The following CD38 variants were observed in gnomAD, a reference collection of about 807,000 sequenced individuals.
CD38 encodes CD38 molecule, also known as ADP-ribosyl cyclase/cyclic ADP-ribose hydrolase 1.
CD38 carries 31 observed loss-of-function variants against 36.3 expected under a neutral mutation model. The ratio of observed to expected loss-of-function variants is 0.85; its 90% confidence interval spans 0.64 to 1.15. The LOEUF (loss-of-function observed/expected upper bound fraction) is 1.15. Ranked by LOEUF, CD38 falls within the 50% of genes most tolerant of loss-of-function variation. The pLI is 0.00. For missense variants in CD38, 380 were observed against 371.9 expected (o/e 1.02, Z -0.18); for synonymous variants, 131 against 135.2 (o/e 0.97, Z 0.22).
Position 15,840,027 on chromosome 4 carries a change from A to G in CD38, c.661A>G (p.Thr221Ala). 1 of 1,609,772 alleles carries G rather than the reference A, an allele frequency of 6.2e-7. No individual in the cohort carries two copies. The highest frequency in any genetic ancestry group is 8.5e-7 in the Non-Finnish European group (1 of 1,176,154). Residue 221 changes from threonine to alanine, a missense_variant and splice_region_variant, in exon 6 of 8, where the codon ACT becomes GCT. Physicochemically the swap from Thr to Ala is moderately conservative, Grantham distance 58 (BLOSUM62 0). Transcript: ENST00000226279. Reference protein sequence around the residue: ...SRSKIFDKNSTFGSVEVHNLQ... With the variant: ...SRSKIFDKNSAFGSVEVHNLQ... ...GGTTCTTTGTTTCTTCTATTTTAGC[A>G]CTTTTGGGAGTGTGGAAGTCCATAA...
At chr4:15,806,217 C>T (rs942961379) in intron 1 of CD38, among the ~76,000 whole-genome samples, 3 of 152,156 alleles carry the variant, frequency 2.0e-5, no homozygotes, top group Non-Finnish European at 4.4e-5. Context: ...CTCACTTTAC[C>T]CCAGCACTGG....
chr4:15,790,853 C>G lies in CD38; in HGVS notation c.233+12206C>G, dbSNP rs1451425315. ...GCCCTGTCTGGGATGTGAGGAGCGCCTCTGCTGGGCCGCAACCCTGTCTGG... is the reference window on the plus strand; with the variant it reads ...GCCCTGTCTGGGATGTGAGGAGCGCGTCTGCTGGGCCGCAACCCTGTCTGG... On this transcript the variant is annotated intron_variant, in intron 1 of 7. Coordinates refer to ENST00000226279, the MANE Select transcript of CD38 (RefSeq NM_001775.4). Among the ~76,000 whole-genome samples, 47 of 149,480 alleles carry G rather than the reference C, an allele frequency of 3.1e-4. 1 individual carries two copies. The highest frequency in any genetic ancestry group is 3.1e-3 in the Admixed American group (47 of 15,192).
intron 1 of CD38, among the ~76,000 whole-genome samples, chr4:15,810,245 C>A (rs963791215): frequency 5.3e-5 from 8 of 152,074 alleles, no homozygotes; most frequent in Non-Finnish European, 8.8e-5. Context: ...AAAAATAATT[C>A]TGGAGGTGTC....
At chr4:15,839,943 T>C in intron 5 of CD38, 83 bp from the exon 6 acceptor site, 4 of 909,266 alleles carry the variant, frequency 4.4e-6, no homozygotes, top group South Asian at 3.9e-5. Context: ...AGCCAGTGCC[T>C]TTCTGCCTGC....
intron 7 of CD38, among the ~76,000 whole-genome samples, chr4:15,841,330 C>G (rs1243057491): frequency 1.3e-5 from 2 of 152,178 alleles, no homozygotes; most frequent in African/African-American, 2.4e-5. Context: ...GTTCCTGTTT[C>G]CATGTCACTA....
chr4:15,787,101 C>T (rs889491564), intron 1 of CD38, among the ~76,000 whole-genome samples: 7 of 152,238 alleles, frequency 4.6e-5, no homozygotes, highest in Admixed American at 2.0e-4. Flanking sequence ...TACACCTCCG[C>T]TCAAGCAGAG....
intron 7 of CD38, 28 bp from the exon 8 acceptor site, chr4:15,848,511 G>GA: frequency 6.3e-7 from 1 of 1,588,634 alleles, no homozygotes; most frequent in Non-Finnish European, 8.6e-7. Flanking sequence ...ACGGTCTCTT[G>GA]ATTTCCTTTT....
intron 1 of CD38, among the ~76,000 whole-genome samples, chr4:15,791,397 A>G (rs1229506782): frequency 1.0e-4 from 1 of 9,818 alleles, no homozygotes. Context: ...CCGGGAGGTG[A>G]GGGGCGCCTC....
rs181723228 is a variant in CD38, at chr4:15,835,679, A to G, written c.585+1377A>G. On this transcript the variant is annotated intron_variant, in intron 4 of 7. Coordinates refer to ENST00000226279, the MANE Select transcript of CD38 (RefSeq NM_001775.4). ...AGCCATGGGCCACCATGCCCGGCTA[A>G]TTTTTGTATTTTCTGTAGAGACAGG... is the stretch of plus-strand genomic sequence containing the variant. 2.0e-5 allele frequency among the ~76,000 whole-genome samples: 3 copies of G among 151,976 alleles called. No homozygotes were observed. In the East Asian group the frequency reaches 5.8e-4, roughly 30 times the overall value.
intron 1 of CD38, among the ~76,000 whole-genome samples, chr4:15,811,286 A>T (rs1723463979): frequency 1.3e-5 from 2 of 152,142 alleles, no homozygotes; most frequent in Non-Finnish European, 2.9e-5. Flanking sequence ...AGTGTAATTT[A>T]TGTATTTTTT....
At chr4:15,827,431 CCTA>C (rs971727756) in intron 3 of CD38, among the ~76,000 whole-genome samples, 3 of 151,972 alleles carry the variant, frequency 2.0e-5, no homozygotes, top group Admixed American at 6.6e-5. Context: ...TGTATTTTCA[CCTA>C]CTATTTTTAC....
At position 15,848,748 on chromosome 4, in the gene CD38, CA is replaced by C; in HGVS notation, c.*149del. Reference sequence around the variant, plus strand: ...TGCCAGAGACGGAAGCCTTTTTCCCCAAAGTCTTAAAATAACTTATATCATC... The same window carrying C: ...TGCCAGAGACGGAAGCCTTTTTCCCCAAGTCTTAAAATAACTTATATCATC... On this transcript the variant is annotated 3_prime_UTR_variant, in exon 8 of 8. Transcript: ENST00000226279. 1.8e-6 allele frequency: 1 copy of C among 565,828 alleles called. No homozygotes were observed. The highest frequency in any genetic ancestry group is 3.0e-5 in the Admixed American group (1 of 33,832). The allele number at this position is 565,828 out of a possible 1,614,324, so 35.1% of individuals were successfully genotyped here.
intron 1 of CD38, among the ~76,000 whole-genome samples, chr4:15,786,240 T>G (rs946538830): frequency 1.3e-5 from 2 of 152,234 alleles, no homozygotes; most frequent in Non-Finnish European, 2.9e-5. Flanking sequence ...CCCAGCCTGC[T>G]TTTATTCCCT....
chr4:15,791,708 C>T (rs1253792920), intron 1 of CD38, among the ~76,000 whole-genome samples: 734 of 57,704 alleles, frequency 0.013, no homozygotes, highest in African/African-American at 0.022. Flanking sequence ...CCAGCCGCCC[C>T]GTCCGGGAGG....
intron 3 of CD38, among the ~76,000 whole-genome samples, chr4:15,826,473 A>G (rs1268968221): frequency 6.6e-6 from 1 of 151,866 alleles, no homozygotes; most frequent in Non-Finnish European, 1.5e-5. Context: ...ACACACACAC[A>G]CACACACACA....
chr4:15,810,432 G>A (rs1283420895), intron 1 of CD38, among the ~76,000 whole-genome samples: 4 of 152,148 alleles, frequency 2.6e-5, no homozygotes, highest in East Asian at 1.9e-4. Flanking sequence ...GCTAAGGAAA[G>A]ATGTAGAAGA....
chr4:15,800,017 C>T (rs930319349), intron 1 of CD38, among the ~76,000 whole-genome samples: 5 of 152,048 alleles, frequency 3.3e-5, no homozygotes, highest in South Asian at 2.1e-4. Flanking sequence ...AAAGCAGACT[C>T]GGGGGGTATG....
At chr4:15,826,459 GCACACACACACA>G (rs67475051) in intron 3 of CD38, among the ~76,000 whole-genome samples, 21 of 146,346 alleles carry the variant, frequency 1.4e-4, no homozygotes, top group Admixed American at 2.7e-4. Context: ...ACTTTTGTGC[GCACACACACACA>G]CACACACACA....
intron 3 of CD38, among the ~76,000 whole-genome samples, chr4:15,827,358 C>G (rs910187899): frequency 6.6e-6 from 1 of 151,988 alleles, no homozygotes; most frequent in Non-Finnish European, 1.5e-5. Flanking sequence ...TGTCTGTTCT[C>G]TTCCTTATAG....
Sources: allele counts gnomAD v4.1 joint callset (sites outside exome capture counted in the v4.1 genomes callset), GRCh38; gene constraint gnomAD v4.1.1; transcripts MANE v1.5; gene names NCBI Gene and HGNC (gene_info 2026-07-23, HGNC 2026-07-21).